ESR1: variants seen among roughly 807,000 people sequenced by gnomAD.
ESR1 encodes estrogen receptor.
ESR1 carries 12 observed loss-of-function variants against 52.7 expected under a neutral mutation model. The ratio of observed to expected loss-of-function variants is 0.23; its 90% CI spans 0.15 to 0.37. The LOEUF (loss-of-function observed/expected upper bound fraction) is 0.37. Ranked by LOEUF, ESR1 falls within the 10% of genes least tolerant of loss-of-function variation. ESR1 has a pLI of 1.00. For missense variants in ESR1, 584 were observed against 779.7 expected (o/e 0.75, Z 2.99); for synonymous variants, 305 against 316.8 (o/e 0.96, Z 0.39).
intron 2 of ESR1, among the ~76,000 whole-genome samples, chr6:151,713,697 T>C (rs1780799160): frequency 6.8e-6 from 1 of 147,700 alleles, no homozygotes; most frequent in African/African-American, 2.6e-5. Flanking sequence ...CCCTTTATCA[T>C]ATTTTAGTGT....
At chr6:152,058,003 CT>C (rs2128947950) in intron 5 of ESR1, among the ~76,000 whole-genome samples, 1 of 152,266 alleles carries the variant, frequency 6.6e-6, no homozygotes, top group African/African-American at 2.4e-5. Flanking sequence ...CTGAACTGAA[CT>C]TTTGCTCACA....
At chr6:151,926,565 T>G (rs1041986459) in intron 3 of ESR1, among the ~76,000 whole-genome samples, 1 of 152,110 alleles carries the variant, frequency 6.6e-6, no homozygotes, top group Non-Finnish European at 1.5e-5. Flanking sequence ...ATATAGGCCT[T>G]GTACATACTT....
chr6:151,697,197 G>A (rs1218261055), intron 1 of ESR1, among the ~76,000 whole-genome samples: 5 of 152,116 alleles, frequency 3.3e-5, no homozygotes, highest in South Asian at 2.1e-4. Flanking sequence ...ACATCAATTC[G>A]GAGGTGAGGG....
At chr6:151,663,475 CT>C (rs1246672004) in intron 1 of ESR1, among the ~76,000 whole-genome samples, 1 of 152,180 alleles carries the variant, frequency 6.6e-6, no homozygotes, top group Non-Finnish European at 1.5e-5. Context: ...GGGCTGGCAC[CT>C]TTTGTTTCAA....
In ESR1 at chr6:151,737,436, T is replaced by C. The variant is rs78073195; in HGVS notation, c.-71+35431T>C. On this transcript the variant is annotated intron_variant, in intron 2 of 2. Transcript: ENST00000404742. ...GATACTGGATGCCTCTGGCTTATTT[T>C]TCTTTCTATTCTGTTTCTTTAATAG... Among the ~76,000 whole-genome samples the C allele has an allele frequency of 7.3e-3, 1,115 of 152,348 alleles. 17 individuals carry two copies. Among genetic ancestry groups the C allele is most frequent in the African/African-American group, 0.024 (1,013 of 41,588 alleles).
rs9340948 is a variant in ESR1 at position 151,997,569 on chromosome 6, T to C, written c.1097-14087T>C. On this transcript the variant is annotated intron_variant, in intron 4 of 7. Coordinates refer to ENST00000206249, the MANE Select transcript of ESR1 (RefSeq NM_000125.4). ...CATTATGACTGCTAATATGGATGCA[T>C]TGGGAGGAAAATAAGCCCTAAGAAG... is the stretch of plus-strand genomic sequence containing the variant. Among the ~76,000 whole-genome samples, 112 of 152,204 alleles carry C rather than the reference T, an allele frequency of 7.4e-4. 3 individuals carry two copies. In the South Asian group the frequency reaches 0.023, roughly 31 times the overall value.
At chr6:152,039,015 A>G (rs1170082074) in intron 5 of ESR1, among the ~76,000 whole-genome samples, 1 of 152,246 alleles carries the variant, frequency 6.6e-6, no homozygotes, top group African/African-American at 2.4e-5. Flanking sequence ...GTACAAGTGT[A>G]TACAGGCAGA....
At chr6:151,854,235 C>T (rs1024280418) in intron 2 of ESR1, among the ~76,000 whole-genome samples, 1 of 152,162 alleles carries the variant, frequency 6.6e-6, no homozygotes, top group Admixed American at 6.5e-5. Context: ...AAAATAACAA[C>T]ATGTAAGGAA....
chr6:152,016,208 T>G (rs1423167051), intron 5 of ESR1, among the ~76,000 whole-genome samples: 1 of 152,188 alleles, frequency 6.6e-6, no homozygotes, highest in Non-Finnish European at 1.5e-5. Flanking sequence ...TCCTCAGCCA[T>G]GTGGAACTCT....
chr6:151,997,984 G>C (rs1220408756), intron 4 of ESR1, among the ~76,000 whole-genome samples: 3 of 152,012 alleles, frequency 2.0e-5, no homozygotes, highest in African/African-American at 7.2e-5. Context: ...TTACTTCTTG[G>C]CATTTTGTTC....
rs1231210822 is a variant in ESR1 at position 152,061,683 on chromosome 6, T to C, written c.1369+559T>C. ...TTTGCTCTATGAAGTCTGATTCTACTGCCCCTTCGTATTTATTTGTTTGAG... is the reference window on the plus strand; with the variant it reads ...TTTGCTCTATGAAGTCTGATTCTACCGCCCCTTCGTATTTATTTGTTTGAG... On this transcript the variant is annotated intron_variant, in intron 6 of 7. Coordinates refer to ENST00000206249, the MANE Select transcript of ESR1 (RefSeq NM_000125.4). This position sits in a 1 kb window ranked among gnomAD's most constrained non-coding sequence, Gnocchi z 4.3. Among the ~76,000 whole-genome samples the C allele has an allele frequency of 3.9e-5, 6 of 152,260 alleles. No homozygotes were observed. In the East Asian group the frequency reaches 1.2e-3, roughly 29 times the overall value.
intron 3 of ESR1, among the ~76,000 whole-genome samples, chr6:151,919,985 A>G (rs1463460339): frequency 6.6e-6 from 1 of 152,196 alleles, no homozygotes; most frequent in Non-Finnish European, 1.5e-5. Context: ...CCCAATTACC[A>G]AAGCTTATTT....
At chr6:151,998,166 T>C (rs376755743) in intron 4 of ESR1, among the ~76,000 whole-genome samples, 2 of 152,290 alleles carry the variant, frequency 1.3e-5, no homozygotes, top group East Asian at 3.9e-4. Context: ...TCTGTGTAGC[T>C]AGGACTGTTC....
chr6:151,676,435 G>A (rs1008389821), intron 1 of ESR1, among the ~76,000 whole-genome samples: 1 of 152,182 alleles, frequency 6.6e-6, no homozygotes, highest in African/African-American at 2.4e-5. Flanking sequence ...GCATTGCCTG[G>A]GCTTTTCCTT....
chr6:151,764,505 G>A (rs1784898866), intron 2 of ESR1, among the ~76,000 whole-genome samples: 1 of 152,088 alleles, frequency 6.6e-6, no homozygotes, highest in Admixed American at 6.5e-5. Context: ...GGGCTGCTGA[G>A]CGCAGGGAGT....
At chr6:151,828,383 T>G (rs1178891790) in intron 1 of ESR1, among the ~76,000 whole-genome samples, 1 of 152,078 alleles carries the variant, frequency 6.6e-6, no homozygotes, top group Non-Finnish European at 1.5e-5. Flanking sequence ...GAGAAGATAG[T>G]GGTACAAAGA....
At chr6:151,995,503 C>G (rs2041404784) in intron 4 of ESR1, among the ~76,000 whole-genome samples, 1 of 152,122 alleles carries the variant, frequency 6.6e-6, no homozygotes, top group South Asian at 2.1e-4. Context: ...ATGGGAAGTC[C>G]TGCTTCAAGT....
At chr6:152,014,440 TG>T (rs1276095042) in intron 5 of ESR1, among the ~76,000 whole-genome samples, 1 of 152,116 alleles carries the variant, frequency 6.6e-6, no homozygotes, top group African/African-American at 2.4e-5. Flanking sequence ...CACCACTCTA[TG>T]CTTTCCCAAC....
chr6:152,012,872 A>C (rs2042893230), intron 5 of ESR1, among the ~76,000 whole-genome samples: 1 of 152,198 alleles, frequency 6.6e-6, no homozygotes, highest in Non-Finnish European at 1.5e-5. Flanking sequence ...ACTTTACTTC[A>C]GAGCATTTCA....
Sources: allele counts gnomAD v4.1 joint callset (sites outside exome capture counted in the v4.1 genomes callset), GRCh38; gene constraint gnomAD v4.1.1; non-coding constraint Gnocchi (gnomAD v3.1); transcripts MANE v1.5; gene names NCBI Gene and HGNC (gene_info 2026-07-23, HGNC 2026-07-21).